Variants in NEBL observed in about 807,000 individuals in gnomAD.
NEBL encodes the protein nebulette.
In NEBL, 122 loss-of-function variants were observed where a neutral mutation model predicts 140.2. The observed-to-expected ratio is 0.87, with a 90% CI of 0.75 to 1.01. The LOEUF (loss-of-function observed/expected upper bound fraction) is 1.01, where lower values mean the gene tolerates loss of function less well. NEBL is among the 50% of genes least tolerant of loss of function. The pLI, the probability that NEBL is intolerant of heterozygous loss-of-function variation, is 0.00. For missense variants in NEBL, 1,365 were observed against 1,231.3 expected (o/e 1.11, Z -1.62); for synonymous variants, 436 against 398.9 (o/e 1.09, Z -1.11).
intron 22 of NEBL, among the ~76,000 whole-genome samples, chr10:20,815,040 T>C (rs768372972): frequency 5.3e-5 from 8 of 152,216 alleles, no homozygotes; most frequent in Non-Finnish European, 8.8e-5. Flanking sequence ...GTGTAAGATA[T>C]GGATACCACT....
intron 2 of NEBL, among the ~76,000 whole-genome samples, chr10:21,095,173 G>T (rs994529751): frequency 6.6e-6 from 1 of 152,144 alleles, no homozygotes; most frequent in Non-Finnish European, 1.5e-5. Flanking sequence ...CAGCTCTCTA[G>T]ACTGTTCATA....
chr10:21,156,325 T>C (rs1045830056), intron 2 of NEBL, among the ~76,000 whole-genome samples: 5 of 152,132 alleles, frequency 3.3e-5, no homozygotes, highest in Admixed American at 2.6e-4. Context: ...TATCAAAAAA[T>C]TAACTCAACA....
intron 3 of NEBL, among the ~76,000 whole-genome samples, chr10:20,985,316 C>G (rs748494831): frequency 6.6e-6 from 1 of 152,046 alleles, no homozygotes. Flanking sequence ...ATCCCCATGC[C>G]CTTCAACCTC....
chr10:20,919,367 A>G (rs1047908813), intron 4 of NEBL, among the ~76,000 whole-genome samples: 1 of 152,236 alleles, frequency 6.6e-6, no homozygotes, highest in African/African-American at 2.4e-5. Flanking sequence ...GAATAAGGGT[A>G]GCCCATTCAT....
intron 3 of NEBL, among the ~76,000 whole-genome samples, chr10:21,244,510 G>C (rs1049357328): frequency 1.3e-5 from 2 of 151,678 alleles, no homozygotes; most frequent in Non-Finnish European, 2.9e-5. Context: ...GAATTAGCCG[G>C]GCATGGTGGC....
At chr10:21,043,958 A>C (rs1428912027) in intron 2 of NEBL, among the ~76,000 whole-genome samples, 1 of 152,206 alleles carries the variant, frequency 6.6e-6, no homozygotes, top group African/African-American at 2.4e-5. Flanking sequence ...CACAGTGTGC[A>C]TATGGCCACC....
intron 26 of NEBL, among the ~76,000 whole-genome samples, chr10:20,799,851 G>A (rs749563307): frequency 6.6e-6 from 1 of 152,102 alleles, no homozygotes; most frequent in Non-Finnish European, 1.5e-5. Flanking sequence ...TTTACAACAT[G>A]ATGGTATGGG....
chr10:20,993,546 C>G (rs1837551801), intron 3 of NEBL, among the ~76,000 whole-genome samples: 1 of 152,160 alleles, frequency 6.6e-6, no homozygotes, highest in South Asian at 2.1e-4. Context: ...GGCTTTATTT[C>G]TGCTCCACAT....
chr10:20,820,563 C>T (rs937291173), intron 19 of NEBL, among the ~76,000 whole-genome samples: 25 of 152,178 alleles, frequency 1.6e-4, no homozygotes, highest in African/African-American at 4.3e-4. Context: ...TGGTGGCTCA[C>T]GCCTGTAATC....
intron 3 of NEBL, among the ~76,000 whole-genome samples, chr10:21,236,063 A>G (rs142768910): frequency 2.6e-5 from 4 of 152,314 alleles, no homozygotes; most frequent in African/African-American, 7.2e-5. Flanking sequence ...TATTTATATG[A>G]CAAAACAGAA....
intron 3 of NEBL, among the ~76,000 whole-genome samples, chr10:21,182,671 G>A (rs555879335): frequency 6.7e-6 from 1 of 149,300 alleles, no homozygotes; most frequent in Admixed American, 6.6e-5. Flanking sequence ...ATCCACACAT[G>A]TGTTGTCCAA....
intron 4 of NEBL, among the ~76,000 whole-genome samples, chr10:20,913,463 C>T (rs571445766): frequency 3.6e-4 from 55 of 152,032 alleles, no homozygotes; most frequent in African/African-American, 8.2e-4. Context: ...GAGATCGTTA[C>T]GTGAATTAGG....
intron 4 of NEBL, among the ~76,000 whole-genome samples, chr10:20,944,228 C>T (rs1280806455): frequency 6.6e-6 from 1 of 152,056 alleles, no homozygotes; most frequent in African/African-American, 2.4e-5. Context: ...GGTGAAACCC[C>T]GTCTCTACTA....
chr10:21,147,358 T>A (rs972694946), intron 2 of NEBL, among the ~76,000 whole-genome samples: 1 of 150,924 alleles, frequency 6.6e-6, no homozygotes, highest in Non-Finnish European at 1.5e-5. Context: ...CTCCCTTGTA[T>A]CTTTCTGGAA....
At position 20,889,860 on chromosome 10, in the gene NEBL, A is replaced by G. The variant is rs1348730988; in HGVS notation, c.243T>C (p.Gly81=). 1 of 1,610,282 alleles carries G rather than the reference A, an allele frequency of 6.2e-7. No homozygotes were observed. Among genetic ancestry groups the G allele is most frequent in the East Asian group, 2.2e-5 (1 of 44,810 alleles). Residue 81 remains glycine, a synonymous_variant, in exon 3 of 28, where the codon GGT becomes GGC. Coordinates refer to ENST00000377122, the MANE Select transcript of NEBL (RefSeq NM_006393.3). ...SPMLNHVKNI[G]AFISEAKYKG... is the part of the protein sequence containing the mutation. The stretch of plus-strand genomic sequence containing the variant: ...GATACCTTACCTCAGAAATAAAAGC[A>G]CCGATATTTTTTACATGGTTTAGCA...
intron 4 of NEBL, among the ~76,000 whole-genome samples, chr10:20,946,392 G>GC (rs1481183779): frequency 3.9e-5 from 6 of 152,176 alleles, no homozygotes; most frequent in Admixed American, 3.3e-4. Context: ...ACCTTCAGAG[G>GC]TTTTTCAAAT....
rs1393398625 is a variant in NEBL at position 21,156,712 on chromosome 10, AAG to A, written c.164+15669_164+15670del. ...CCTTCATTGCTTAATAAAATAATAA[AAG>A]AAGTTTTAAGAAAGTGAAGCTATCT... On this transcript the variant is annotated intron_variant, in intron 2 of 6. Coordinates refer to the NEBL transcript ENST00000417816. Among the ~76,000 whole-genome samples, 4 of 152,326 alleles carry A rather than the reference AAG, an allele frequency of 2.6e-5. No individual in the cohort carries two copies. In the South Asian group the frequency reaches 8.3e-4, roughly 32 times the overall value.
chr10:20,960,476 A>G (rs1029203464), intron 4 of NEBL, among the ~76,000 whole-genome samples: 3 of 152,062 alleles, frequency 2.0e-5, no homozygotes, highest in Non-Finnish European at 4.4e-5. Context: ...GGAAATCCCT[A>G]CTAATATAAA....
At chr10:20,823,746 C>A (rs961742069) in intron 18 of NEBL, among the ~76,000 whole-genome samples, 5 of 151,258 alleles carry the variant, frequency 3.3e-5, no homozygotes, top group Non-Finnish European at 7.4e-5. Flanking sequence ...TGACTGAGAG[C>A]ACATAAATAA....
Sources: allele counts gnomAD v4.1 joint callset (sites outside exome capture counted in the v4.1 genomes callset), GRCh38; gene constraint gnomAD v4.1.1; transcripts MANE v1.5; gene names NCBI Gene and HGNC (gene_info 2026-07-23, HGNC 2026-07-21).